Variants in LACTB2 observed in about 807,000 individuals in gnomAD.
The protein encoded by LACTB2 is endoribonuclease LACTB2.
Under a neutral mutation model 34.8 loss-of-function variants are expected in LACTB2, and 32 were observed. The ratio of observed to expected loss-of-function variants is 0.92; its 90% CI spans 0.69 to 1.24. The LOEUF (loss-of-function observed/expected upper bound fraction) is 1.24. LACTB2 is among the 50% of genes most tolerant of loss of function. The pLI is 0.00. For missense variants in LACTB2, 320 were observed against 345.0 expected (o/e 0.93, Z 0.57); for synonymous variants, 120 against 117.5 (o/e 1.02, Z -0.14).
chr8:70,665,793 C>A (rs1490551993), intron 1 of LACTB2, among the ~76,000 whole-genome samples: 1 of 152,184 alleles, frequency 6.6e-6, no homozygotes, highest in East Asian at 1.9e-4. Context: ...TTCTATTCCA[C>A]TTGACTACCT....
chr8:70,655,550 T>A (rs1586787827), intron 3 of LACTB2, among the ~76,000 whole-genome samples: 1 of 152,226 alleles, frequency 6.6e-6, no homozygotes, highest in East Asian at 1.9e-4. Flanking sequence ...TATGGCTGAG[T>A]AGTATTCCAT....
chr8:70,663,978 G>C (rs2132081552), intron 1 of LACTB2, among the ~76,000 whole-genome samples: 1 of 152,134 alleles, frequency 6.6e-6, no homozygotes, highest in Non-Finnish European at 1.5e-5. Context: ...TTAGCATTGT[G>C]CATATTTAGT....
chr8:70,644,101 C>A lies in LACTB2; in HGVS notation c.556G>T (p.Glu186Ter), dbSNP rs764022205. 16 of 1,600,566 alleles carry A rather than the reference C, an allele frequency of 1.0e-5. No homozygotes were observed. Among genetic ancestry groups the A allele is most frequent in the Non-Finnish European group, 1.4e-5 (16 of 1,174,822 alleles). The stretch of plus-strand genomic sequence containing the variant: ...ATATCAGCTTTGATTTTCAATAACT[C>A]TTTTAAAGAGTTCATATAATCATAG... ...DLYDYMNSLKELLKIKADIIY... is the reference protein window; with the variant it reads ...DLYDYMNSLK The change falls in exon 4 of 7, where the codon GAG becomes TAG. Residue 186 changes from glutamate to a stop codon, truncating the protein, a stop_gained. Transcript: ENST00000276590. LOFTEE classifies it high-confidence loss of function.
chr8:70,660,974 C>A (rs1236548267), intron 2 of LACTB2: 1 of 453,442 alleles, frequency 2.2e-6, no homozygotes, highest in African/African-American at 2.0e-5. Flanking sequence ...GAGACAGGGT[C>A]TTGCTATGTT....
rs990900411 is a variant in LACTB2, at chr8:70,668,748, G to GTTTTTTTTTTTTTTT, written c.122+236_122+250dup. Among the ~76,000 whole-genome samples, 15 of 103,724 alleles carry GTTTTTTTTTTTTTTT rather than the reference G, an allele frequency of 1.4e-4. 1 individual carries two copies. The highest frequency in any genetic ancestry group is 9.6e-4 in the South Asian group (2 of 2,074). The allele number at this position is 103,724 out of a possible 152,430, so 68.0% of individuals were successfully genotyped here. The stretch of plus-strand genomic sequence containing the variant: ...CAGTAAATCGGGTTTCAAAACAGAA[G>GTTTTTTTTTTTTTTT]TTTTTTTTTTTTTTTTTTTTTTTTT... On this transcript the variant is annotated intron_variant, in intron 1 of 6. Transcript: ENST00000276590.
Position 70,638,627 on chromosome 8 carries a change from A to T in LACTB2, c.744T>A (p.Asn248Lys). The change falls in exon 6 of 7, where the codon AAT becomes AAA. Residue 248 changes from asparagine to lysine, a missense_variant and splice_region_variant. Transcript: ENST00000276590. ...VMELVKIIYK[N>K]TPENLHEMAK... Reference sequence around the variant, plus strand: ...CCATTTCATGTAAATTCTCAGGAGTATTCTAAAAGAAAAATGAAGGTGAAA... The same window carrying T: ...CCATTTCATGTAAATTCTCAGGAGTTTTCTAAAAGAAAAATGAAGGTGAAA... 7.1e-7 allele frequency: 1 copy of T among 1,414,726 alleles called. No homozygotes were observed. The highest frequency in any genetic ancestry group is 9.3e-7 in the Non-Finnish European group (1 of 1,070,916). The allele number at this position is 1,414,726 out of a possible 1,614,324, so 87.6% of individuals were successfully genotyped here.
At chr8:70,647,511 A>C (rs1021216316) in intron 3 of LACTB2, among the ~76,000 whole-genome samples, 1 of 152,194 alleles carries the variant, frequency 6.6e-6, no homozygotes, top group Non-Finnish European at 1.5e-5. Context: ...CCCTGGCCTC[A>C]CAAAGTGCTG....
intron 6 of LACTB2, 91 bp downstream of exon 6, chr8:70,638,455 CTG>C (rs1818150881): frequency 7.6e-7 from 1 of 1,318,368 alleles, no homozygotes; most frequent in Admixed American, 3.3e-5. Context: ...TGGGAGAACT[CTG>C]ATGGGTATTA....
intron 3 of LACTB2, among the ~76,000 whole-genome samples, chr8:70,651,487 GAAT>G (rs1391049061): frequency 1.3e-5 from 2 of 152,062 alleles, no homozygotes; most frequent in African/African-American, 2.4e-5. Context: ...ACAATCTTAT[GAAT>G]ACATAGAATG....
chr8:70,651,361 T>C (rs554216404), intron 3 of LACTB2, among the ~76,000 whole-genome samples: 4 of 152,204 alleles, frequency 2.6e-5, no homozygotes, highest in Non-Finnish European at 5.9e-5. Context: ...TGGTTAAACT[T>C]GCTGCAAGCT....
chr8:70,642,279 C>T (rs1818207843), intron 4 of LACTB2, among the ~76,000 whole-genome samples: 1 of 152,132 alleles, frequency 6.6e-6, no homozygotes, highest in Non-Finnish European at 1.5e-5. Context: ...TATCAGCCCG[C>T]AATCCTTTAA....
chr8:70,657,937 AAG>A (rs1315753308), intron 2 of LACTB2, 55 bp from the exon 3 acceptor site: 10 of 1,227,888 alleles, frequency 8.1e-6, no homozygotes, highest in Non-Finnish European at 1.1e-5. Context: ...TAAGCCTTTT[AAG>A]AGATCAACTT....
At chr8:70,639,184 A>G (rs187892227) in intron 5 of LACTB2, among the ~76,000 whole-genome samples, 2 of 151,274 alleles carry the variant, frequency 1.3e-5, no homozygotes, top group Admixed American at 1.3e-4. Flanking sequence ...TTTGAGACAG[A>G]GTTTCACTCT....
intron 3 of LACTB2, among the ~76,000 whole-genome samples, chr8:70,649,396 T>G (rs1818309291): frequency 3.3e-5 from 5 of 152,140 alleles, no homozygotes; most frequent in Admixed American, 3.3e-4. Context: ...TTAAACACCC[T>G]AAGGGAAGAT....
At position 70,662,205 on chromosome 8, in the gene LACTB2, C is replaced by T. The variant is rs201804489; in HGVS notation, c.123-308G>A. The T allele has an allele frequency of 6.7e-5, 13 of 195,222 alleles. No individual in the cohort carries two copies. The East Asian group carries it at 1.6e-3, about 25-fold the overall frequency. The allele number at this position is 195,222 out of a possible 1,614,324, so 12.1% of individuals were successfully genotyped here. On this transcript the variant is annotated intron_variant, in intron 1 of 6. Coordinates refer to ENST00000276590, the MANE Select transcript of LACTB2 (RefSeq NM_016027.3). The stretch of plus-strand genomic sequence containing the variant: ...TACATATTTTACCAATTACATTCCT[C>T]GTAACAACTGTTTAAAGTAGATATT...
At chr8:70,663,623 GA>G (rs1586791026) in intron 1 of LACTB2, among the ~76,000 whole-genome samples, 1 of 152,042 alleles carries the variant, frequency 6.6e-6, no homozygotes, top group Non-Finnish European at 1.5e-5. Context: ...GTTAAACAAC[GA>G]GATGTGGAAG....
rs767389919 is a variant in LACTB2 at position 70,640,944 on chromosome 8, C to T, written c.699G>A (p.Glu233=). The change falls in exon 5 of 7, where the codon GAG becomes GAA. Residue 233 remains glutamate, a synonymous_variant. Transcript: ENST00000276590. ...QILTLFRENF[E]KSFTVMELVK... The stretch of plus-strand genomic sequence containing the variant: ...CAAGCTCCATTACTGTAAATGATTT[C>T]TCAAAGTTCTCACGAAATAATGTAA... 1 of 1,607,134 alleles carries T rather than the reference C, an allele frequency of 6.2e-7. No individual in the cohort carries two copies.
chr8:70,642,962 A>G (rs1383715594), intron 4 of LACTB2, among the ~76,000 whole-genome samples: 1 of 152,212 alleles, frequency 6.6e-6, no homozygotes, highest in Non-Finnish European at 1.5e-5. Flanking sequence ...CAGAGGTCAA[A>G]CATTACCCAA....
At chr8:70,649,125 A>C (rs1818304668) in intron 3 of LACTB2, among the ~76,000 whole-genome samples, 1 of 152,206 alleles carries the variant, frequency 6.6e-6, no homozygotes, top group Non-Finnish European at 1.5e-5. Context: ...AGGTCTCAAA[A>C]ATTCACCATT....
Sources: allele counts gnomAD v4.1 joint callset (sites outside exome capture counted in the v4.1 genomes callset), GRCh38; gene constraint gnomAD v4.1.1; transcripts MANE v1.5; gene names NCBI Gene and HGNC (gene_info 2026-07-23, HGNC 2026-07-21).